PATJ: variants seen among roughly 807,000 people sequenced by gnomAD.
The protein encoded by PATJ is PATJ crumbs cell polarity complex component, also known as inaD-like protein.
A neutral mutation model predicts 224.9 loss-of-function variants in PATJ; 190 were observed. The observed-to-expected ratio is 0.84, with a 90% CI of 0.75 to 0.95. PATJ has a LOEUF of 0.95. Ranked by LOEUF, PATJ falls within the 40% of genes least tolerant of loss-of-function variation. The pLI is 0.00. For missense variants in PATJ, 2,121 were observed against 2,270.3 expected (o/e 0.93, Z 1.34); for synonymous variants, 769 against 820.3 (o/e 0.94, Z 1.07).
chr1:62,076,909 G>T (rs148333860), intron 31 of PATJ, among the ~76,000 whole-genome samples: 1 of 152,330 alleles, frequency 6.6e-6, no homozygotes, highest in Non-Finnish European at 1.5e-5. Context: ...ATTGCTGCAA[G>T]AAGTTCTCTT....
rs374361007 is a variant in PATJ at position 61,927,398 on chromosome 1, A to G, written c.3571-332A>G. On this transcript the variant is annotated intron_variant, in intron 26 of 43. Coordinates refer to ENST00000642238, the MANE Select transcript of PATJ (RefSeq NM_001350145.3). ...CTTTCATTTGAATTTTCTGATTAAT[A>G]ACAAAATTAAGCTTCTACAATGTAT... Among the ~76,000 whole-genome samples the G allele has an allele frequency of 2.6e-5, 4 of 152,184 alleles. No homozygotes were observed. In the East Asian group the frequency reaches 7.7e-4, roughly 29 times the overall value.
intron 29 of PATJ, among the ~76,000 whole-genome samples, chr1:62,021,495 T>A (rs1185885732): frequency 6.6e-6 from 1 of 152,204 alleles, no homozygotes; most frequent in Non-Finnish European, 1.5e-5. Context: ...TTGAATAAAT[T>A]TCCTTTTCAC....
intron 26 of PATJ, 133 bp from the exon 27 acceptor site, chr1:61,927,597 A>T: frequency 1.7e-6 from 1 of 586,988 alleles, no homozygotes; most frequent in Non-Finnish European, 3.0e-6. Context: ...TGTTTGTTTT[A>T]CAGTCCTCAT....
At chr1:62,151,743 C>G (rs1339222290) in intron 42 of PATJ, among the ~76,000 whole-genome samples, 1 of 152,206 alleles carries the variant, frequency 6.6e-6, no homozygotes, top group Non-Finnish European at 1.5e-5. Flanking sequence ...GAGATGACTT[C>G]GCCTCTCAGA....
chr1:62,135,132 G>A (rs1558217690), intron 41 of PATJ, among the ~76,000 whole-genome samples: 1 of 152,130 alleles, frequency 6.6e-6, no homozygotes, highest in East Asian at 1.9e-4. Context: ...GATATGGCAT[G>A]GACATCAGAT....
intron 7 of PATJ, among the ~76,000 whole-genome samples, chr1:61,786,083 G>A (rs533385998): frequency 6.1e-4 from 93 of 152,296 alleles, no homozygotes; most frequent in Admixed American, 1.6e-3. Context: ...GTGCAGTGGC[G>A]TGATCTTTGC....
intron 33 of PATJ, among the ~76,000 whole-genome samples, chr1:62,089,513 T>A (rs1660453465): frequency 6.6e-6 from 1 of 152,188 alleles, no homozygotes; most frequent in Admixed American, 6.5e-5. Flanking sequence ...GACACAGCTT[T>A]TATTTCCTAA....
chr1:61,762,466 T>C (rs1028785199), intron 1 of PATJ, among the ~76,000 whole-genome samples: 1 of 152,190 alleles, frequency 6.6e-6, no homozygotes, highest in African/African-American at 2.4e-5. Flanking sequence ...GCTGTAAACT[T>C]TCATGTGCAG....
chr1:62,101,842 T>C (rs1332640862), intron 33 of PATJ, among the ~76,000 whole-genome samples: 1 of 152,178 alleles, frequency 6.6e-6, no homozygotes, highest in African/African-American at 2.4e-5. Context: ...TCACTGATTA[T>C]GTTCTTCACT....
chr1:61,937,867 C>T (rs773602587), intron 27 of PATJ, among the ~76,000 whole-genome samples: 1 of 152,122 alleles, frequency 6.6e-6, no homozygotes. Flanking sequence ...TCAGGCTGGT[C>T]TCAAACTCCC....
intron 18 of PATJ, among the ~76,000 whole-genome samples, chr1:61,859,889 G>A (rs1336464049): frequency 2.0e-5 from 3 of 152,058 alleles, no homozygotes; most frequent in Non-Finnish European, 4.4e-5. Context: ...CAAAGTGCTG[G>A]GATTACAGGT....
At chr1:61,895,765 A>T (rs2149131145) in intron 22 of PATJ, among the ~76,000 whole-genome samples, 1 of 152,250 alleles carries the variant, frequency 6.6e-6, no homozygotes, top group Non-Finnish European at 1.5e-5. Context: ...TGCCTTGTGG[A>T]GCTATGAGAA....
intron 24 of PATJ, among the ~76,000 whole-genome samples, chr1:61,902,822 G>T (rs554553026): frequency 6.6e-6 from 1 of 152,156 alleles, no homozygotes; most frequent in South Asian, 2.1e-4. Context: ...TTGGGGTTGG[G>T]GATGGTGAAA....
In PATJ at chr1:61,765,066, A is replaced by ATTTTTTTTTTTTTTT. The variant is rs71582647; in HGVS notation, c.190-1194_190-1180dup. The stretch of plus-strand genomic sequence containing the variant: ...TTTCTTTGAGGTTTTATTGACATTC[A>ATTTTTTTTTTTTTTT]TTTTTTTTTTTTTTTTTTTTTTTTT... On this transcript the variant is annotated intron_variant, in intron 3 of 43. Transcript: ENST00000642238. Among the ~76,000 whole-genome samples the ATTTTTTTTTTTTTTT allele has an allele frequency of 1.2e-4, 3 of 24,020 alleles. 1 individual carries two copies. The highest frequency in any genetic ancestry group is 1.7e-3 in the Admixed American group (2 of 1,162). 15.8% of individuals were successfully genotyped at this position (24,020 alleles called of 152,430 possible). A position where few individuals can be genotyped will look rare whatever the true frequency, so the allele number is the denominator to read the frequency against.
chr1:61,774,120 A>C (rs377559742), intron 6 of PATJ, among the ~76,000 whole-genome samples: 1 of 29,218 alleles, frequency 3.4e-5, no homozygotes, highest in Non-Finnish European at 8.8e-5. Flanking sequence ...ACTCCATCTC[A>C]AAAAAAAAAA....
intron 22 of PATJ, among the ~76,000 whole-genome samples, chr1:61,886,825 A>AAAAAAAAAAAAAAAAAAAAAAAAAAC (rs1668935382): frequency 7.2e-6 from 1 of 138,132 alleles, no homozygotes. Flanking sequence ...ATCTCAAAAA[A>AAAAAAAAAAAAAAAAAAAAAAAAAAC]AAAAAATTAG....
chr1:62,107,979 G>A (rs1345641002), intron 33 of PATJ, among the ~76,000 whole-genome samples: 3 of 152,098 alleles, frequency 2.0e-5, no homozygotes, highest in Non-Finnish European at 4.4e-5. Context: ...TTCTCCTCCA[G>A]GACCCATTCA....
intron 21 of PATJ, 110 bp from the exon 22 acceptor site, chr1:61,884,127 T>C: frequency 4.8e-6 from 3 of 623,336 alleles, no homozygotes; most frequent in Non-Finnish European, 8.1e-6. Flanking sequence ...ATTTTCAGTC[T>C]CCTACCTGGA....
intron 27 of PATJ, among the ~76,000 whole-genome samples, chr1:61,957,776 C>T (rs995606981): frequency 2.0e-5 from 3 of 152,276 alleles, no homozygotes; most frequent in East Asian, 3.9e-4. Flanking sequence ...TACGTACTGT[C>T]GAGCTCTCTC....
Sources: allele counts gnomAD v4.1 joint callset (sites outside exome capture counted in the v4.1 genomes callset), GRCh38; gene constraint gnomAD v4.1.1; transcripts MANE v1.5; gene names NCBI Gene and HGNC (gene_info 2026-07-23, HGNC 2026-07-21).